The following FGD4 variants were observed in gnomAD, a reference collection of about 807,000 sequenced individuals.
FGD4 encodes the protein FYVE, RhoGEF and PH domain-containing protein 4.
In FGD4, 42 loss-of-function variants were observed where a neutral mutation model predicts 102.0. The observed-to-expected ratio is 0.41, with a 90% CI of 0.32 to 0.53. FGD4 has a LOEUF of 0.53. Among genes scored for constraint, FGD4 ranks in the 20% least tolerant of loss-of-function variants. The pLI is 0.21. For missense variants in FGD4, 902 were observed against 1,078.2 expected (o/e 0.84, Z 2.29); for synonymous variants, 380 against 375.7 (o/e 1.01, Z -0.13).
intron 1 of FGD4, among the ~76,000 whole-genome samples, chr12:32,541,901 T>C (rs112437366): frequency 6.0e-4 from 92 of 152,272 alleles, no homozygotes; most frequent in African/African-American, 2.0e-3. Context: ...AAAATAATCA[T>C]GTCAAAAATT....
chr12:32,555,547 AT>A (rs1247628322), intron 1 of FGD4, among the ~76,000 whole-genome samples: 1 of 147,766 alleles, frequency 6.8e-6, no homozygotes, highest in Admixed American at 6.7e-5. Context: ...GCACTTCAAT[AT>A]TTAATTTTAA....
intron 1 of FGD4, among the ~76,000 whole-genome samples, chr12:32,453,593 T>G (rs1010033838): frequency 1.3e-5 from 2 of 152,150 alleles, no homozygotes; most frequent in African/African-American, 4.8e-5. Context: ...TGATAAATTT[T>G]GTGTGCTCAT....
Position 32,608,002 on chromosome 12 carries a change from G to C in FGD4, c.1450G>C (p.Glu484Gln). 1 of 1,614,234 alleles carries C rather than the reference G, an allele frequency of 6.2e-7. No individual in the cohort carries two copies. Among genetic ancestry groups the C allele is most frequent in the Non-Finnish European group, 8.5e-7 (1 of 1,180,038 alleles). The change falls in exon 8 of 17, where the codon GAA becomes CAA. Residue 484 changes from glutamate (E) to glutamine (Q), a missense_variant. Physicochemically the swap from Glu to Gln is conservative, Grantham distance 29 (BLOSUM62 2). Transcript: ENST00000534526. ...GSLTLQHHML[E>Q]PVQRIPRYEM... is the part of the protein sequence containing the mutation. ...CTTAACTTTGCAGCATCACATGCTAGAACCTGTTCAGCGGATTCCCCGGTA... is the reference window on the plus strand; with the variant it reads ...CTTAACTTTGCAGCATCACATGCTACAACCTGTTCAGCGGATTCCCCGGTA...
At chr12:32,488,832 G>A (rs531416978) in intron 1 of FGD4, among the ~76,000 whole-genome samples, 150 of 152,188 alleles carry the variant, frequency 9.9e-4, no homozygotes, top group African/African-American at 3.4e-3. Context: ...CCAGCTACTC[G>A]GGAGGCTGAG....
At chr12:32,585,393 T>TTA (rs1050297593) in intron 4 of FGD4, among the ~76,000 whole-genome samples, 22 of 151,920 alleles carry the variant, frequency 1.4e-4, no homozygotes, top group African/African-American at 5.3e-4. Flanking sequence ...AACTGTTCAA[T>TTA]TAAAAAATTC....
At chr12:32,583,110 G>A (rs1193350551) in intron 4 of FGD4, among the ~76,000 whole-genome samples, 2 of 152,158 alleles carry the variant, frequency 1.3e-5, no homozygotes, top group Non-Finnish European at 2.9e-5. Context: ...GCCAAGGCAG[G>A]AAGAATTCCT....
chr12:32,419,568 T>C (rs1941552698), intron 1 of FGD4, among the ~76,000 whole-genome samples: 1 of 152,132 alleles, frequency 6.6e-6, no homozygotes, highest in Non-Finnish European at 1.5e-5. Flanking sequence ...TCACCCTGGC[T>C]GGTGTCTTAG....
In FGD4 at chr12:32,625,086, C is replaced by A. The variant is rs1950066689; in HGVS notation, c.2046+18C>A. 5 of 1,590,936 alleles carry A rather than the reference C, an allele frequency of 3.1e-6. No individual in the cohort carries two copies. The highest frequency in any genetic ancestry group is 3.4e-6 in the Non-Finnish European group (4 of 1,160,292). ...AGGTTTCTGTGAGTTGAATTAAATTCTTAACTTCAACCTCTTTCATATCTT... is the reference window on the plus strand; with the variant it reads ...AGGTTTCTGTGAGTTGAATTAAATTATTAACTTCAACCTCTTTCATATCTT... On this transcript the variant is annotated intron_variant, in intron 13 of 16. Coordinates refer to ENST00000534526, the MANE Select transcript of FGD4 (RefSeq NM_001370298.3).
chr12:32,563,071 GGCGGC>G (rs1944781533), intron 1 of FGD4, among the ~76,000 whole-genome samples: 1 of 148,840 alleles, frequency 6.7e-6, no homozygotes. Context: ...TCCCGGACGG[GGCGGC>G]TGGCCGGGCG....
intron 4 of FGD4, among the ~76,000 whole-genome samples, chr12:32,591,559 C>A (rs934568947): frequency 1.2e-4 from 18 of 152,222 alleles, no homozygotes; most frequent in African/African-American, 4.3e-4. Flanking sequence ...AGCTTCGAGG[C>A]ACATGGCAGG....
chr12:32,484,582 C>T (rs1943841936), intron 1 of FGD4, among the ~76,000 whole-genome samples: 1 of 152,094 alleles, frequency 6.6e-6, no homozygotes, highest in Admixed American at 6.6e-5. Flanking sequence ...CTAAAATACC[C>T]CTTTTTAGGC....
intron 1 of FGD4, among the ~76,000 whole-genome samples, chr12:32,480,487 TTTTC>T (rs1013013263): frequency 1.3e-5 from 2 of 151,252 alleles, no homozygotes; most frequent in African/African-American, 2.4e-5. Context: ...CTCTTTTTTC[TTTTC>T]TTTCTTTCTT....
chr12:32,575,385 G>A (rs1298449838), intron 2 of FGD4, among the ~76,000 whole-genome samples: 1 of 152,180 alleles, frequency 6.6e-6, no homozygotes, highest in Non-Finnish European at 1.5e-5. Flanking sequence ...CACGGAGACA[G>A]AGGAAGCAAG....
At chr12:32,437,384 T>C (rs1377229678) in intron 1 of FGD4, among the ~76,000 whole-genome samples, 1 of 152,160 alleles carries the variant, frequency 6.6e-6, no homozygotes, top group Non-Finnish European at 1.5e-5. Context: ...AGGAAATCCA[T>C]GTCAGCTACA....
chr12:32,614,418 G>C (rs1416906168), intron 10 of FGD4, among the ~76,000 whole-genome samples: 1 of 152,158 alleles, frequency 6.6e-6, no homozygotes, highest in Admixed American at 6.5e-5. Flanking sequence ...CAAGAGCAAA[G>C]GTCATGGCAG....
chr12:32,578,297 G>T (rs1946297593), intron 3 of FGD4, among the ~76,000 whole-genome samples: 1 of 152,212 alleles, frequency 6.6e-6, no homozygotes, highest in Admixed American at 6.5e-5. Context: ...GGCCACTAAA[G>T]TGTTTGTGTG....
intron 2 of FGD4, among the ~76,000 whole-genome samples, chr12:32,572,230 G>C (rs1945736102): frequency 6.6e-6 from 1 of 152,164 alleles, no homozygotes; most frequent in East Asian, 1.9e-4. Context: ...TGATTCTGCA[G>C]TTGTTCATAT....
chr12:32,582,447 G>C lies in FGD4; in HGVS notation c.991G>C (p.Asp331His). ...GESPLELEQL[D>H]QHHEMKETNE... The stretch of plus-strand genomic sequence containing the variant: ...AAGCCCTCTGGAACTGGAGCAGCTG[G>C]ACCAGCACCATGAGATGAAGGTAGA... Residue 331 changes from aspartate to histidine, a missense_variant, in exon 4 of 17, where the codon GAC becomes CAC. This residue lies in a region of FGD4 where 443 missense variants were observed against 459.2 expected (regional missense o/e 0.96). Transcript: ENST00000534526. The C allele has an allele frequency of 6.2e-7, 1 of 1,611,460 alleles. No individual in the cohort carries two copies. Among genetic ancestry groups the C allele is most frequent in the Non-Finnish European group, 8.5e-7 (1 of 1,180,010 alleles).
At chr12:32,563,387 C>T (rs1268131257) in intron 1 of FGD4, among the ~76,000 whole-genome samples, 7 of 151,062 alleles carry the variant, frequency 4.6e-5, no homozygotes, top group Admixed American at 1.3e-4. Flanking sequence ...AGGTGCTCCC[C>T]ACATCTCAGA....
Sources: allele counts gnomAD v4.1 joint callset (sites outside exome capture counted in the v4.1 genomes callset), GRCh38; gene constraint gnomAD v4.1.1; regional missense constraint gnomAD v4.1.1; transcripts MANE v1.5; gene names NCBI Gene and HGNC (gene_info 2026-07-23, HGNC 2026-07-21).